TCTN1: variants seen among roughly 807,000 people sequenced by gnomAD.
TCTN1 encodes tectonic-1.
In TCTN1, 58 loss-of-function variants were observed where a neutral mutation model predicts 65.8. The ratio of observed to expected loss-of-function variants is 0.88; its 90% CI spans 0.71 to 1.10. The LOEUF (loss-of-function observed/expected upper bound fraction) is 1.10. Ranked by LOEUF, TCTN1 falls within the 50% of genes least tolerant of loss-of-function variation. TCTN1 has a pLI of 0.00. For synonymous variants in TCTN1, 273 were observed against 289.1 expected (o/e 0.94, Z 0.57); for missense variants, 645 against 719.4 (o/e 0.90, Z 1.18).
At chr12:110,645,373 C>G in intron 12 of TCTN1, 1 of 529,648 alleles carries the variant, frequency 1.9e-6, no homozygotes, top group Non-Finnish European at 3.4e-6. Context: ...AGTGAATGGC[C>G]TCATGGGGCA....
rs561160953 is a variant in TCTN1 at position 110,644,512 on chromosome 12, C to G, written c.1332-455C>G. ...CCAACATGGTGAAACCCCGTCTCTACTAAAAATACAAAAAAATTAGCCAGG... is the reference window on the plus strand; with the variant it reads ...CCAACATGGTGAAACCCCGTCTCTAGTAAAAATACAAAAAAATTAGCCAGG... On this transcript the variant is annotated intron_variant, in intron 11 of 14. Coordinates refer to ENST00000397659, the MANE Select transcript of TCTN1 (RefSeq NM_001082538.3). This position sits in a 1 kb window ranked among gnomAD's most constrained non-coding sequence, Gnocchi z 4.6. 4 of 241,276 alleles carry G rather than the reference C, an allele frequency of 1.7e-5. No individual in the cohort carries two copies. In the South Asian group the frequency reaches 1.9e-4, roughly 12 times the overall value. The allele number at this position is 241,276 out of a possible 1,614,324, so 14.9% of individuals were successfully genotyped here. A position where few individuals can be genotyped will look rare whatever the true frequency, so the allele number is the denominator to read the frequency against.
intron 12 of TCTN1, 102 bp downstream of exon 12, chr12:110,645,231 C>T (rs1434149449): frequency 8.0e-6 from 12 of 1,497,928 alleles, no homozygotes; most frequent in Non-Finnish European, 1.0e-5. Flanking sequence ...GCAGGATGGC[C>T]CTGAGTGGGA....
intron 5 of TCTN1, 174 bp downstream of exon 5, chr12:110,632,733 A>C: frequency 3.0e-6 from 2 of 667,760 alleles, no homozygotes; most frequent in Non-Finnish European, 5.3e-6. Flanking sequence ...CGTAACTAAA[A>C]ACAGAATCTT....
intron 5 of TCTN1, among the ~76,000 whole-genome samples, chr12:110,633,193 T>A (rs1001869658): frequency 1.3e-5 from 2 of 152,188 alleles, no homozygotes; most frequent in African/African-American, 4.8e-5. Context: ...CCCTAGGCAG[T>A]GGAAGGCAGC....
At chr12:110,622,134 T>TAAA (rs200326554) in intron 2 of TCTN1, among the ~76,000 whole-genome samples, 1 of 148,636 alleles carries the variant, frequency 6.7e-6, no homozygotes, top group East Asian at 2.0e-4. Flanking sequence ...CGAAACTCCA[T>TAAA]AAAAAAAAAT....
intron 3 of TCTN1, 54 bp from the exon 4 acceptor site, chr12:110,628,713 A>C: frequency 6.9e-7 from 1 of 1,439,608 alleles, no homozygotes; most frequent in Non-Finnish European, 9.5e-7. Context: ...TAGGTCATAC[A>C]TATTATACAT....
intron 11 of TCTN1, 72 bp downstream of exon 11, chr12:110,642,461 T>G: frequency 6.2e-7 from 1 of 1,609,914 alleles, no homozygotes; most frequent in Non-Finnish European, 8.5e-7. Context: ...TTTCCCCATT[T>G]TAATCAAATC....
chr12:110,620,022 G>C, intron 2 of TCTN1, 66 bp downstream of exon 2: 1 of 1,611,562 alleles, frequency 6.2e-7, no homozygotes, highest in Non-Finnish European at 8.5e-7. Flanking sequence ...TTTGGAGAAA[G>C]GGAAAACTTT....
chr12:110,614,543 A>G, intron 1 of TCTN1, 141 bp downstream of exon 1: 1 of 1,490,462 alleles, frequency 6.7e-7, no homozygotes, highest in Non-Finnish European at 9.0e-7. Context: ...ATAAACGTCC[A>G]TTCTCTAAAC....
chr12:110,644,169 G>A lies in TCTN1; in HGVS notation c.1332-798G>A, dbSNP rs1220087078. The A allele has an allele frequency of 1.3e-5, 2 of 152,266 alleles. No homozygotes were observed. 9.4% of individuals were successfully genotyped at this position (152,266 alleles called of 1,614,324 possible). On this transcript the variant is annotated intron_variant, in intron 11 of 14. Coordinates refer to ENST00000397659, the MANE Select transcript of TCTN1 (RefSeq NM_001082538.3). The surrounding 1 kb of genome is among the most constrained non-coding windows in gnomAD (Gnocchi z 4.6). ...GCCTTTAATAGGCAAATGTGCCTCA[G>A]GAGGGACATGGGGATGTGGAGGTTC...
At chr12:110,619,759 G>A in intron 1 of TCTN1, 77 bp from the exon 2 acceptor site, 4 of 1,605,042 alleles carry the variant, frequency 2.5e-6, no homozygotes, top group Non-Finnish European at 3.4e-6. Context: ...ATTGACTTAT[G>A]GTACACTGTG....
In TCTN1 at chr12:110,639,526, C is replaced by T. The variant is rs954535127; in HGVS notation, c.844-857C>T. Among the ~76,000 whole-genome samples the T allele has an allele frequency of 1.3e-5, 2 of 151,000 alleles. No homozygotes were observed. Among genetic ancestry groups the T allele is most frequent in the African/African-American group, 2.4e-5 (1 of 40,970 alleles). On this transcript the variant is annotated intron_variant, in intron 7 of 14. Coordinates refer to ENST00000397659, the MANE Select transcript of TCTN1 (RefSeq NM_001082538.3). This position sits in a 1 kb window ranked among gnomAD's most constrained non-coding sequence, Gnocchi z 4.9. The stretch of plus-strand genomic sequence containing the variant: ...GTATAAATTGGGTCAAATGAATATT[C>T]GGGGGTGTGTGGGGGCTTAAGGATA...
At position 110,634,698 on chromosome 12, in the gene TCTN1, C is replaced by T; in HGVS notation, c.741C>T (p.Cys247=). 1.2e-6 allele frequency: 2 copies of T among 1,611,248 alleles called. No individual in the cohort carries two copies. The highest frequency in any genetic ancestry group is 8.5e-7 in the Non-Finnish European group (1 of 1,178,660). The change falls in exon 6 of 15, where the codon TGC becomes TGT. Residue 247 remains cysteine (C), a synonymous_variant. Transcript: ENST00000397659. ...TTCTGGTGAACCAGGCTGTTAAGTGCACCAGAAAAATAAATTTAGAACAGT... is the reference window on the plus strand; with the variant it reads ...TTCTGGTGAACCAGGCTGTTAAGTGTACCAGAAAAATAAATTTAGAACAGT... ...AAFLVNQAVK[C]TRKINLEQCE...
At chr12:110,642,886 G>C (rs2067054314) in intron 11 of TCTN1, among the ~76,000 whole-genome samples, 1 of 151,990 alleles carries the variant, frequency 6.6e-6, no homozygotes, top group African/African-American at 2.4e-5. Flanking sequence ...CTCCTGAGTA[G>C]CTGGGACTAC....
chr12:110,617,200 A>G (rs1437059953), intron 1 of TCTN1, among the ~76,000 whole-genome samples: 1 of 152,196 alleles, frequency 6.6e-6, no homozygotes, highest in Non-Finnish European at 1.5e-5. Context: ...CACATAGAAG[A>G]GTTCTCAACT....
chr12:110,643,975 A>G (rs1392358094), intron 11 of TCTN1: 4 of 152,138 alleles, frequency 2.6e-5, no homozygotes, highest in African/African-American at 4.8e-5. Flanking sequence ...TCCAGCCACC[A>G]TTTACATTAT....
intron 1 of TCTN1, 117 bp downstream of exon 1, chr12:110,614,519 CT>C (rs2064900603): frequency 6.6e-7 from 1 of 1,525,504 alleles, no homozygotes; most frequent in African/African-American, 1.4e-5. Context: ...TGTGCAGACA[CT>C]GCTGAGTGTT....
At chr12:110,641,706 G>A in intron 10 of TCTN1, 79 bp downstream of exon 10, 1 of 1,400,502 alleles carries the variant, frequency 7.1e-7, no homozygotes, top group Non-Finnish European at 1.0e-6. Context: ...TATCGCTGAG[G>A]CTCCCCTGGG....
At chr12:110,630,277 T>C (rs940976298) in intron 4 of TCTN1, 2 of 152,216 alleles carry the variant, frequency 1.3e-5, no homozygotes, top group Non-Finnish European at 2.9e-5. Context: ...TAAGGTTGTT[T>C]ATTCTGTGAT....
Sources: gnomAD v4.1 joint callset for allele counts (sites outside exome capture counted in the v4.1 genomes callset) on GRCh38, gnomAD v4.1.1 for gene constraint, Gnocchi (gnomAD v3.1) non-coding constraint, MANE v1.5 for transcripts, NCBI Gene and HGNC (gene_info 2026-07-23, HGNC 2026-07-21) for gene names.